Variants in NECAP2 observed in about 807,000 individuals in gnomAD.
NECAP2 encodes adaptin ear-binding coat-associated protein 2.
A neutral mutation model predicts 37.8 loss-of-function variants in NECAP2; 38 were observed. The ratio of observed to expected loss-of-function variants is 1.01; its 90% confidence interval spans 0.78 to 1.32. NECAP2 has a LOEUF of 1.32. NECAP2 is among the 40% of genes most tolerant of loss of function. NECAP2 has a pLI of 0.00. For missense variants in NECAP2, 316 were observed against 334.5 expected, an observed-to-expected ratio of 0.94 and a Z score of 0.43; for synonymous variants, 121 against 127.7, an observed-to-expected ratio of 0.95 and a Z score of 0.35.
At chr1:16,458,546 G>A (rs1415484558) in intron 7 of NECAP2, among the ~76,000 whole-genome samples, 1 of 151,588 alleles carries the variant, frequency 6.6e-6, no homozygotes, top group Non-Finnish European at 1.5e-5. Flanking sequence ...GGCCTTGAGT[G>A]TGCCACTGCA....
At chr1:16,450,187 T>A (rs1470002252) in intron 5 of NECAP2, 1 of 455,406 alleles carries the variant, frequency 2.2e-6, no homozygotes, top group Admixed American at 2.4e-5. Flanking sequence ...TGGGATGTGA[T>A]TCTTTCTCTC....
At chr1:16,447,259 T>C (rs1347707178) in intron 2 of NECAP2, among the ~76,000 whole-genome samples, 1 of 151,692 alleles carries the variant, frequency 6.6e-6, no homozygotes, top group African/African-American at 2.4e-5. Context: ...GGAAATTTTA[T>C]GTTGTGCCGC....
chr1:16,441,192 C>G, intron 1 of NECAP2: 1 of 287,948 alleles, frequency 3.5e-6, no homozygotes, highest in Non-Finnish European at 6.6e-6. Context: ...TGAAGGGATC[C>G]TCGAAAAGCC....
At chr1:16,443,425 T>C (rs2086716991) in intron 1 of NECAP2, among the ~76,000 whole-genome samples, 1 of 152,254 alleles carries the variant, frequency 6.6e-6, no homozygotes, top group African/African-American at 2.4e-5. Context: ...CACGTGCATG[T>C]TCTATACTGA....
chr1:16,449,053 C>T (rs1437369389), intron 4 of NECAP2, 40 bp from the exon 5 acceptor site: 7 of 1,396,650 alleles, frequency 5.0e-6, no homozygotes, highest in Middle Eastern at 1.8e-4. Context: ...GGCAGCTGGT[C>T]TCTTCCTTCC....
At chr1:16,446,148 C>T (rs1230123885) in intron 2 of NECAP2, among the ~76,000 whole-genome samples, 4 of 152,190 alleles carry the variant, frequency 2.6e-5, no homozygotes, top group African/African-American at 4.8e-5. Flanking sequence ...GTGGAGGTCG[C>T]AGTGAGCCGA....
In NECAP2 at chr1:16,458,942, G is replaced by A. The variant is rs1180379217; in HGVS notation, c.*52G>A. On this transcript the variant is annotated 3_prime_UTR_variant, in exon 8 of 8. Coordinates refer to ENST00000337132, the MANE Select transcript of NECAP2 (RefSeq NM_018090.5). ...CTTCTGGGAAGGCGCTCCCTCATCTGGGCCAAAGGAAGGAGGACGAAGCCC... is the reference window on the plus strand; with the variant it reads ...CTTCTGGGAAGGCGCTCCCTCATCTAGGCCAAAGGAAGGAGGACGAAGCCC... The A allele has an allele frequency of 6.2e-7, 1 of 1,613,992 alleles. No individual in the cohort carries two copies. Among genetic ancestry groups the A allele is most frequent in the South Asian group, 1.1e-5 (1 of 91,074 alleles).
chr1:16,453,490 TGG>T (rs1420937003), intron 6 of NECAP2, among the ~76,000 whole-genome samples: 1 of 151,988 alleles, frequency 6.6e-6, no homozygotes, highest in Non-Finnish European at 1.5e-5. Context: ...AGGTTGCTGA[TGG>T]ATATTTATTT....
At chr1:16,442,390 A>C (rs2086702381) in intron 1 of NECAP2, among the ~76,000 whole-genome samples, 1 of 152,178 alleles carries the variant, frequency 6.6e-6, no homozygotes. Flanking sequence ...CAGTGCCTGC[A>C]CTTAAGTCTT....
rs183017135 is a variant in NECAP2, at chr1:16,448,677, A to G, written c.381-416A>G. On this transcript the variant is annotated intron_variant, in intron 4 of 7. Coordinates refer to ENST00000337132, the MANE Select transcript of NECAP2 (RefSeq NM_018090.5). ...GTGGGGGACTTTTGTGTTGCCCTCT[A>G]CTTTTGGGTATCTGTCTTGTCCCCC... is the stretch of plus-strand genomic sequence containing the variant. Among the ~76,000 whole-genome samples, 428 of 151,836 alleles carry G rather than the reference A, an allele frequency of 2.8e-3. 2 individuals are homozygous for G. The highest frequency in any genetic ancestry group is 5.5e-3 in the Admixed American group (84 of 15,232).
chr1:16,448,003 CTTGGGAAAGGTT>C (rs1437306977), intron 3 of NECAP2, 29 bp downstream of exon 3: 6 of 1,613,676 alleles, frequency 3.7e-6, no homozygotes, highest in Non-Finnish European at 4.2e-6. Context: ...GCTTCCTCCT[CTTGGGAAAGGTT>C]TTCTCTGCCT....
At chr1:16,458,294 A>G (rs1445979954) in intron 7 of NECAP2, among the ~76,000 whole-genome samples, 1 of 152,014 alleles carries the variant, frequency 6.6e-6, no homozygotes, top group Admixed American at 6.6e-5. Context: ...TATTTTTTCT[A>G]CATGGGAAAG....
At chr1:16,442,396 G>A (rs1343012535) in intron 1 of NECAP2, among the ~76,000 whole-genome samples, 1 of 152,170 alleles carries the variant, frequency 6.6e-6, no homozygotes, top group African/African-American at 2.4e-5. Context: ...CTGCACTTAA[G>A]TCTTGGAGCT....
chr1:16,458,812 C>T (rs2086966895), intron 7 of NECAP2, 30 bp from the exon 8 acceptor site: 1 of 1,611,598 alleles, frequency 6.2e-7, no homozygotes, highest in South Asian at 1.1e-5. Context: ...GATCTGAACT[C>T]CCCCACCCTT....
intron 5 of NECAP2, 96 bp downstream of exon 5, chr1:16,449,297 C>G: frequency 1.3e-6 from 1 of 790,190 alleles, no homozygotes; most frequent in Non-Finnish European, 2.1e-6. Flanking sequence ...TCCTTCAGTT[C>G]AGCAGATGTT....
At chr1:16,449,490 A>G in intron 5 of NECAP2, 1 of 340,438 alleles carries the variant, frequency 2.9e-6, no homozygotes, top group South Asian at 4.9e-5. Context: ...TGTGCAGCCC[A>G]TAGTTGTGGG....
At chr1:16,456,380 G>C (rs982075948) in intron 7 of NECAP2, among the ~76,000 whole-genome samples, 8 of 152,186 alleles carry the variant, frequency 5.3e-5, no homozygotes, top group Admixed American at 5.2e-4. Flanking sequence ...GCCTGCTTTG[G>C]GTGGCACACG....
At chr1:16,453,493 A>T (rs1430799760) in intron 6 of NECAP2, among the ~76,000 whole-genome samples, 1 of 151,380 alleles carries the variant, frequency 6.6e-6, no homozygotes, top group East Asian at 2.0e-4. Context: ...TTGCTGATGG[A>T]TATTTATTTA....
intron 7 of NECAP2, among the ~76,000 whole-genome samples, chr1:16,458,148 C>T (rs1489698733): frequency 1.3e-5 from 2 of 152,114 alleles, no homozygotes; most frequent in African/African-American, 4.8e-5. Flanking sequence ...CAAAATAGTT[C>T]TGATTATTCA....
Sources: allele counts gnomAD v4.1 joint callset (sites outside exome capture counted in the v4.1 genomes callset), GRCh38; gene constraint gnomAD v4.1.1; transcripts MANE v1.5; gene names NCBI Gene and HGNC (gene_info 2026-07-23, HGNC 2026-07-21).